Variants in CAMTA1 observed in about 807,000 individuals in gnomAD.
CAMTA1 encodes calmodulin binding transcription activator 1.
In CAMTA1, 27 loss-of-function variants were observed where a neutral mutation model predicts 170.9. The ratio of observed to expected loss-of-function variants is 0.16; its 90% CI spans 0.12 to 0.22. CAMTA1 has a LOEUF of 0.22. Ranked by LOEUF, CAMTA1 falls within the 10% of genes least tolerant of loss-of-function variation. CAMTA1 has a pLI of 1.00. For missense variants in CAMTA1, 1,619 were observed against 2,217.2 expected, an observed-to-expected ratio of 0.73 and a Z score of 5.42; for synonymous variants, 833 against 891.5, an observed-to-expected ratio of 0.93 and a Z score of 1.17.
intron 3 of CAMTA1, among the ~76,000 whole-genome samples, chr1:6,978,747 C>T (rs543547428): frequency 2.1e-4 from 32 of 151,578 alleles, no homozygotes; most frequent in African/African-American, 6.5e-4. Context: ...TAATAATGAC[C>T]GCATGTTTTA....
intron 3 of CAMTA1, among the ~76,000 whole-genome samples, chr1:7,037,970 G>A (rs540761787): frequency 7.8e-4 from 116 of 149,448 alleles, no homozygotes; most frequent in South Asian, 3.2e-3. Flanking sequence ...TACTGGCTTC[G>A]GAGTGAAATT....
At chr1:6,826,759 G>A (rs1274714647) in intron 3 of CAMTA1, among the ~76,000 whole-genome samples, 4 of 152,036 alleles carry the variant, frequency 2.6e-5, no homozygotes, top group Non-Finnish European at 5.9e-5. Context: ...TTTTAACTAT[G>A]ATTTGACATT....
chr1:7,241,379 G>T (rs1664829686), intron 4 of CAMTA1, among the ~76,000 whole-genome samples: 1 of 152,202 alleles, frequency 6.6e-6, no homozygotes, highest in African/African-American at 2.4e-5. Flanking sequence ...TCTCAAAATT[G>T]ATTTCTAGAT....
chr1:7,194,178 A>G (rs1447135055), intron 4 of CAMTA1, among the ~76,000 whole-genome samples: 2 of 152,210 alleles, frequency 1.3e-5, no homozygotes, highest in Non-Finnish European at 2.9e-5. Flanking sequence ...CACTTTTACC[A>G]AATTCCTTCC....
At chr1:7,624,470 C>T (rs1221700630) in intron 6 of CAMTA1, among the ~76,000 whole-genome samples, 2 of 152,224 alleles carry the variant, frequency 1.3e-5, no homozygotes, top group African/African-American at 4.8e-5. Context: ...AAAATGAAGA[C>T]TCCAGTAAAT....
At chr1:7,337,666 C>T (rs971041922) in intron 5 of CAMTA1, among the ~76,000 whole-genome samples, 9 of 152,118 alleles carry the variant, frequency 5.9e-5, no homozygotes, top group Admixed American at 3.3e-4. Flanking sequence ...GGGCCTCATC[C>T]AATCACAATG....
chr1:7,013,314 T>C (rs1700091926), intron 3 of CAMTA1, among the ~76,000 whole-genome samples: 1 of 145,924 alleles, frequency 6.9e-6, no homozygotes, highest in African/African-American at 2.6e-5. Flanking sequence ...GCCTCCCAGG[T>C]TCGAGATTCT....
chr1:7,169,655 G>T (rs935355887), intron 4 of CAMTA1, among the ~76,000 whole-genome samples: 1 of 152,096 alleles, frequency 6.6e-6, no homozygotes, highest in African/African-American at 2.4e-5. Context: ...GAGACTACAG[G>T]CATGCACCAC....
chr1:6,966,010 A>T (rs1691457946), intron 3 of CAMTA1, among the ~76,000 whole-genome samples: 2 of 150,880 alleles, frequency 1.3e-5, no homozygotes, highest in African/African-American at 4.9e-5. Context: ...TGTGTGGGGG[A>T]TCTCGGGGAT....
At chr1:6,997,563 A>G (rs146703770) in intron 3 of CAMTA1, among the ~76,000 whole-genome samples, 309 of 152,010 alleles carry the variant, frequency 2.0e-3, no homozygotes, top group African/African-American at 7.1e-3. Flanking sequence ...AGTTCTTCAT[A>G]CAGATTCCTC....
intron 5 of CAMTA1, among the ~76,000 whole-genome samples, chr1:7,420,991 G>A (rs1352816254): frequency 6.6e-6 from 1 of 152,176 alleles, no homozygotes; most frequent in African/African-American, 2.4e-5. Flanking sequence ...AGGCCTCCCT[G>A]GGATGAAAGT....
chr1:6,819,422 A>C (rs1646234838), intron 1 of CAMTA1, among the ~76,000 whole-genome samples: 1 of 151,966 alleles, frequency 6.6e-6, no homozygotes, highest in Non-Finnish European at 1.5e-5. Flanking sequence ...ATTCCCCTTG[A>C]TTTACTTGCC....
intron 3 of CAMTA1, among the ~76,000 whole-genome samples, chr1:6,954,348 G>A (rs369643650): frequency 6.6e-6 from 1 of 152,190 alleles, no homozygotes; most frequent in African/African-American, 2.4e-5. Context: ...CAGGAGTAAC[G>A]CTCCTATTGC....
At chr1:6,875,049 G>C (rs1669444079) in intron 3 of CAMTA1, among the ~76,000 whole-genome samples, 1 of 152,112 alleles carries the variant, frequency 6.6e-6, no homozygotes, top group African/African-American at 2.4e-5. Flanking sequence ...AAGGTGGGTG[G>C]TATGTTCACC....
intron 3 of CAMTA1, among the ~76,000 whole-genome samples, chr1:7,056,631 CCCT>C (rs2101680827): frequency 6.6e-6 from 1 of 152,144 alleles, no homozygotes; most frequent in Non-Finnish European, 1.5e-5. Flanking sequence ...GACTTAGTCT[CCCT>C]CCTCAAGGGA....
chr1:7,595,464 T>A (rs1391523664), intron 6 of CAMTA1, among the ~76,000 whole-genome samples: 1 of 152,258 alleles, frequency 6.6e-6, no homozygotes, highest in Non-Finnish European at 1.5e-5. Context: ...ATTTGGTTCT[T>A]CTTTAAACGA....
intron 6 of CAMTA1, among the ~76,000 whole-genome samples, chr1:7,492,461 G>A (rs1249789591): frequency 2.0e-5 from 3 of 152,168 alleles, no homozygotes; most frequent in African/African-American, 7.2e-5. Context: ...GGGCTGCTCA[G>A]GAGGCAGCAG....
intron 7 of CAMTA1, among the ~76,000 whole-genome samples, chr1:7,652,141 C>G (rs2095852296): frequency 1.3e-5 from 2 of 151,988 alleles, no homozygotes; most frequent in African/African-American, 2.4e-5. Context: ...CCCTTCTTAG[C>G]TTCTTTGGGT....
intron 3 of CAMTA1, among the ~76,000 whole-genome samples, chr1:6,926,486 T>TTC (rs1186679826): frequency 1.5e-5 from 2 of 134,730 alleles, no homozygotes; most frequent in Non-Finnish European, 3.2e-5. Flanking sequence ...CTTTCTTTCT[T>TTC]TCTCTCTCTC....
Sources: gnomAD v4.1 joint callset for allele counts (sites outside exome capture counted in the v4.1 genomes callset) on GRCh38, gnomAD v4.1.1 for gene constraint, MANE v1.5 for transcripts, NCBI Gene and HGNC (gene_info 2026-07-23, HGNC 2026-07-21) for gene names.